Variants in CLTRN observed in about 807,000 individuals in gnomAD.
CLTRN encodes the protein collectrin.
In CLTRN, 12 loss-of-function variants were observed where a neutral mutation model predicts 14.5. That is an observed-to-expected ratio of 0.83 (90% confidence interval 0.53 to 1.34). The LOEUF (loss-of-function observed/expected upper bound fraction) is 1.34, where lower values mean the gene tolerates loss of function less well. Among genes scored for constraint, CLTRN ranks in the 40% most tolerant of loss-of-function variants. The pLI, the probability that CLTRN is intolerant of heterozygous loss-of-function variation, is 0.00. For missense variants in CLTRN, 154 were observed against 165.1 expected (o/e 0.93, Z 0.37); for synonymous variants, 58 against 56.5 (o/e 1.03, Z -0.12).
At chrX:15,636,822 T>C (rs1381451062) in intron 5 of CLTRN, among the ~76,000 whole-genome samples, 1 of 111,228 alleles carries the variant, frequency 9.0e-6, no homozygotes, top group South Asian at 3.8e-4. Context: ...TCAATCCTCA[T>C]GAAAGCCCTG....
intron 1 of CLTRN, among the ~76,000 whole-genome samples, chrX:15,671,386 A>G (rs1485267183): frequency 8.9e-6 from 1 of 112,686 alleles, no homozygotes; most frequent in Admixed American, 9.4e-5. Context: ...GGAAATCTGA[A>G]AACAAACACA....
upstream of CLTRN, chrX:15,664,899 A>C: frequency 1.8e-6 from 1 of 555,329 alleles, no homozygotes; most frequent in Non-Finnish European, 3.0e-6. Flanking sequence ...CACCACCAAA[A>C]AGGTTTAATG....
intron 3 of CLTRN, chrX:15,646,493 CTGG>C: frequency 3.4e-6 from 1 of 297,576 alleles, no homozygotes; most frequent in East Asian, 1.3e-4. Flanking sequence ...GCCAGAAGCA[CTGG>C]GCCCTACTGT....
Position 15,644,988 on chromosome X carries a change from G to A in CLTRN, c.245C>T (p.Ser82Leu), listed in dbSNP as rs867931283. 8.3e-7 allele frequency: 1 copy of A among 1,206,609 alleles called. No homozygotes were observed. The highest frequency in any genetic ancestry group is 1.1e-6 in the Non-Finnish European group (1 of 893,206). ...AGGGTCTGTAACCACAAACCAGAAT[G>A]ATACCCTCTGGGTTACATTGCAAAG... ...VLLCNVTQRV[S>L]FWFVVTDPSK... The change falls in exon 4 of 6, where the codon TCA becomes TTA. Residue 82 changes from serine to leucine, a missense_variant. Coordinates refer to ENST00000380342, the MANE Select transcript of CLTRN (RefSeq NM_020665.6).
chrX:15,672,320 T>C (rs1257240543), intron 1 of CLTRN, among the ~76,000 whole-genome samples: 1 of 111,980 alleles, frequency 8.9e-6, no homozygotes, highest in East Asian at 2.8e-4. Flanking sequence ...GTTCCACTGT[T>C]GCTCAGGTGT....
At chrX:15,669,314 T>C (rs1267444273), upstream of CLTRN, among the ~76,000 whole-genome samples, 1 of 112,424 alleles carries the variant, frequency 8.9e-6, no homozygotes, top group Non-Finnish European at 1.9e-5. Flanking sequence ...AAAATGCTCA[T>C]TTCAGCAATT....
chrX:15,661,733 G>C (rs908929285), intron 2 of CLTRN, among the ~76,000 whole-genome samples: 4 of 112,613 alleles, frequency 3.6e-5, no homozygotes, highest in Middle Eastern at 4.6e-3. Context: ...ACACATATAA[G>C]AATGTCCATA....
intron 3 of CLTRN, among the ~76,000 whole-genome samples, chrX:15,650,725 C>CTTTTGTTTGT (rs1929194459): frequency 1.8e-5 from 2 of 111,925 alleles, no homozygotes; most frequent in Non-Finnish European, 3.8e-5. Flanking sequence ...AAAAGGTAAC[C>CTTTTGTTTGT]TAATGTTCAA....
At chrX:15,630,333 G>A (rs182743445) in intron 5 of CLTRN, among the ~76,000 whole-genome samples, 26 of 107,743 alleles carry the variant, frequency 2.4e-4, no homozygotes, top group African/African-American at 8.8e-4. Context: ...GTAGCCCTAG[G>A]TAGACCTTGA....
intron 2 of CLTRN, among the ~76,000 whole-genome samples, chrX:15,659,311 G>T (rs1270797654): frequency 9.0e-6 from 1 of 110,687 alleles, no homozygotes; most frequent in Non-Finnish European, 1.9e-5. Context: ...TCTAAGTTTG[G>T]TGTGTCTCCT....
intron 3 of CLTRN, chrX:15,646,461 C>CT (rs1929071221): frequency 1.4e-5 from 3 of 216,301 alleles, no homozygotes; most frequent in African/African-American, 7.7e-5. Context: ...ACCGCGCACC[C>CT]ACCCCCCCGC....
At position 15,664,759 on chromosome X, in the gene CLTRN, A is replaced by G. The variant is rs1929585821; in HGVS notation, c.17T>C (p.Phe6Ser). Reference sequence around the variant, plus strand: ...AGCATGAATGGCAGTCACCAGAAAAAAGAGCAGCCACAACATTCTTTCAGG... The same window carrying G: ...AGCATGAATGGCAGTCACCAGAAAAGAGAGCAGCCACAACATTCTTTCAGG... MLWLL[F>S]FLVTAIHAEL... The change falls in exon 1 of 6, where the codon TTT becomes TCT. Residue 6 changes from phenylalanine (F) to serine (S), a missense_variant. Coordinates refer to ENST00000380342, the MANE Select transcript of CLTRN (RefSeq NM_020665.6). 8.3e-7 allele frequency: 1 copy of G among 1,210,450 alleles called. No individual in the cohort carries two copies.
At chrX:15,638,262 T>C (rs1928862243) in intron 5 of CLTRN, among the ~76,000 whole-genome samples, 1 of 112,501 alleles carries the variant, frequency 8.9e-6, no homozygotes, top group Admixed American at 9.4e-5. Context: ...CATGCCAAGA[T>C]CATCAAAAAA....
chrX:15,672,902 T>C (rs760758254), intron 1 of CLTRN, among the ~76,000 whole-genome samples: 4 of 112,401 alleles, frequency 3.6e-5, no homozygotes, highest in South Asian at 7.3e-4. Flanking sequence ...TTGAAACTTA[T>C]GTGCCATTAT....
At chrX:15,667,808 T>C (rs1010076836), upstream of CLTRN, among the ~76,000 whole-genome samples, 1 of 111,523 alleles carries the variant, frequency 9.0e-6, no homozygotes. Context: ...AGCCTCAACC[T>C]CCTGGGCTCA....
At chrX:15,658,600 A>C (rs1305054591) in intron 3 of CLTRN, among the ~76,000 whole-genome samples, 3 of 111,925 alleles carry the variant, frequency 2.7e-5, no homozygotes, top group Non-Finnish European at 3.8e-5. Context: ...AGTGCTTTTA[A>C]GAAAATAAAC....
At chrX:15,646,458 A>ACAC in intron 3 of CLTRN, 2 of 228,796 alleles carry the variant, frequency 8.7e-6, no homozygotes, top group Non-Finnish European at 1.6e-5. Flanking sequence ...AAAACCGCGC[A>ACAC]CCCACCCCCC....
At chrX:15,651,294 G>A (rs867146823) in intron 3 of CLTRN, among the ~76,000 whole-genome samples, 16 of 111,285 alleles carry the variant, frequency 1.4e-4, no homozygotes, top group Non-Finnish European at 2.3e-4. Flanking sequence ...CTACTACAGC[G>A]GCCTTCAGAT....
At chrX:15,630,265 T>C (rs754320291) in intron 5 of CLTRN, among the ~76,000 whole-genome samples, 9 of 110,870 alleles carry the variant, frequency 8.1e-5, no homozygotes, top group South Asian at 3.8e-4. Flanking sequence ...AGATGGTAGA[T>C]TGAACAATTA....
Sources: allele counts gnomAD v4.1 joint callset (sites outside exome capture counted in the v4.1 genomes callset), GRCh38; gene constraint gnomAD v4.1.1; transcripts MANE v1.5; gene names NCBI Gene and HGNC (gene_info 2026-07-23, HGNC 2026-07-21).